The following OPA1 variants were observed in gnomAD, a reference collection of about 807,000 sequenced individuals.
OPA1 encodes the protein dynamin-like GTPase OPA1, mitochondrial.
In OPA1, 59 loss-of-function variants were observed where a neutral mutation model predicts 152.9. The observed-to-expected ratio is 0.39, with a 90% confidence interval of 0.31 to 0.48. The LOEUF (loss-of-function observed/expected upper bound fraction) is 0.48, where lower values mean the gene tolerates loss of function less well. Among genes scored for constraint, OPA1 ranks in the 20% least tolerant of loss-of-function variants. The pLI, the probability that OPA1 is intolerant of heterozygous loss-of-function variation, is 0.96. For synonymous variants in OPA1, 400 were observed against 389.9 expected (o/e 1.03, Z -0.31); for missense variants, 1,008 against 1,216.8 (o/e 0.83, Z 2.55).
chr3:193,642,302 C>CAGCT, intron 11 of OPA1, among the ~76,000 whole-genome samples: 1 of 152,290 alleles, frequency 6.6e-6, no homozygotes, highest in Non-Finnish European at 1.5e-5. Context: ...CTGGGACAGT[C>CAGCT]AGCTCTGTGT....
intron 1 of OPA1, 70 bp from the exon 2 acceptor site, chr3:193,614,653 C>A: frequency 8.6e-7 from 1 of 1,157,888 alleles, no homozygotes; most frequent in Non-Finnish European, 1.3e-6. Flanking sequence ...TAGTATATTG[C>A]TCTTTTAATG....
intron 20 of OPA1, 44 bp from the exon 21 acceptor site, chr3:193,648,751 A>C: frequency 7.6e-7 from 1 of 1,318,840 alleles, no homozygotes; most frequent in Admixed American, 1.7e-5. Flanking sequence ...GGGTAAATTT[A>C]CTGTCTTATG....
chr3:193,665,758 T>G (rs1237376830), intron 27 of OPA1, among the ~76,000 whole-genome samples: 5 of 152,194 alleles, frequency 3.3e-5, no homozygotes, highest in Admixed American at 6.5e-5. Flanking sequence ...AAGTTTTTTT[T>G]GCATAATTTT....
At chr3:193,664,043 T>G (rs1715944627) in intron 26 of OPA1, among the ~76,000 whole-genome samples, 1 of 152,128 alleles carries the variant, frequency 6.6e-6, no homozygotes, top group Non-Finnish European at 1.5e-5. Flanking sequence ...TACGTGATTT[T>G]TTTTTTAAAC....
intron 29 of OPA1, chr3:193,668,331 C>T (rs1176861467): frequency 6.4e-7 from 1 of 1,550,720 alleles, no homozygotes; most frequent in African/African-American, 1.4e-5. Flanking sequence ...TCTTTTTCCC[C>T]AGCTCGGACT....
intron 4 of OPA1, 96 bp from the exon 5 acceptor site, chr3:193,617,688 C>T (rs1035438379): frequency 2.2e-6 from 2 of 890,874 alleles, no homozygotes; most frequent in African/African-American, 3.3e-5. Flanking sequence ...AATTATTGCC[C>T]TATCGTAATA....
rs1251411053 is a variant in OPA1 at position 193,635,478 on chromosome 3, G to A, written c.904G>A (p.Val302Ile). 3 of 1,609,350 alleles carry A rather than the reference G, an allele frequency of 1.9e-6. No individual in the cohort carries two copies. The highest frequency in any genetic ancestry group is 2.6e-6 in the Non-Finnish European group (3 of 1,175,998). ...EKENKELRKLVLQKDDKGIHH... is the reference protein window; with the variant it reads ...EKENKELRKLILQKDDKGIHH... ...GGAGAACAAAGAATTGAGAAAATTAGTATTGCAGAAAGATGACAAAGGCAT... is the reference window on the plus strand; with the variant it reads ...GGAGAACAAAGAATTGAGAAAATTAATATTGCAGAAAGATGACAAAGGCAT... Residue 302 changes from valine to isoleucine, a missense_variant, in exon 9 of 31, where the codon GTA (valine) becomes ATA (isoleucine). Coordinates refer to ENST00000361510, the MANE Select transcript of OPA1 (RefSeq NM_130837.3).
At chr3:193,653,883 A>G (rs1713131204) in intron 21 of OPA1, among the ~76,000 whole-genome samples, 1 of 152,216 alleles carries the variant, frequency 6.6e-6, no homozygotes, top group East Asian at 1.9e-4. Flanking sequence ...AAATGGCTAC[A>G]ATTTTAAATG....
chr3:193,622,226 CTTTTT>C (rs758993120), intron 6 of OPA1, among the ~76,000 whole-genome samples: 35 of 107,884 alleles, frequency 3.2e-4, no homozygotes, highest in East Asian at 1.3e-3. Flanking sequence ...TACTCTCATT[CTTTTT>C]TTTTTTTTTT....
At chr3:193,639,465 G>A (rs999650236) in intron 11 of OPA1, among the ~76,000 whole-genome samples, 4 of 152,188 alleles carry the variant, frequency 2.6e-5, no homozygotes, top group Non-Finnish European at 4.4e-5. Flanking sequence ...AGGATATCCT[G>A]TGTTCAGCAA....
At chr3:193,610,037 G>A (rs573436827) in intron 1 of OPA1, among the ~76,000 whole-genome samples, 3 of 152,192 alleles carry the variant, frequency 2.0e-5, no homozygotes, top group African/African-American at 4.8e-5. Flanking sequence ...CTCTCAGCTC[G>A]TCAAAGTCAT....
chr3:193,676,037 A>G (rs925825885), intron 29 of OPA1, among the ~76,000 whole-genome samples: 3 of 152,212 alleles, frequency 2.0e-5, no homozygotes, highest in African/African-American at 4.8e-5. Flanking sequence ...AATATCGTGC[A>G]GTCTGGCTTT....
At chr3:193,620,110 G>C (rs1577174062) in intron 6 of OPA1, among the ~76,000 whole-genome samples, 1 of 152,214 alleles carries the variant, frequency 6.6e-6, no homozygotes, top group Admixed American at 6.5e-5. Context: ...AATAGTTGTG[G>C]CTTATTTTGA....
At position 193,662,843 on chromosome 3, in the gene OPA1, A is replaced by T; in HGVS notation, c.2542A>T (p.Asn848Tyr). ...QEQCVHNETK[N>Y]ELEKMLKCNE... ...AAAGTGTGTTCACAATGAAACCAAG[A>T]ATGAATTGGAGAAGATGTTGAAATG... Residue 848 changes from asparagine (N) to tyrosine (Y), a missense_variant, in exon 26 of 31, where the codon AAT (asparagine) becomes TAT (tyrosine). Coordinates refer to ENST00000361510, the MANE Select transcript of OPA1 (RefSeq NM_130837.3). 1 of 1,613,408 alleles carries T rather than the reference A, an allele frequency of 6.2e-7. No homozygotes were observed. Among genetic ancestry groups the T allele is most frequent in the African/African-American group, 1.3e-5 (1 of 75,012 alleles).
In OPA1 at chr3:193,617,169, C is replaced by G; in HGVS notation, c.449-9C>G. On this transcript the variant is annotated splice_polypyrimidine_tract_variant and intron_variant, in intron 3 of 30. Transcript: ENST00000361510. Reference sequence around the variant, plus strand: ...AGTTTCATACTCTATATGTTTTGATCTTTTCCAGAGAAAATTAGAAAAGCC... The same window carrying G: ...AGTTTCATACTCTATATGTTTTGATGTTTTCCAGAGAAAATTAGAAAAGCC... 6.6e-7 allele frequency: 1 copy of G among 1,522,286 alleles called. No homozygotes were observed. Among genetic ancestry groups the G allele is most frequent in the Middle Eastern group, 1.7e-4 (1 of 5,896 alleles). 94.3% of individuals were successfully genotyped at this position (1,522,286 alleles called of 1,614,324 possible). A position where few individuals can be genotyped will look rare whatever the true frequency, so the allele number is the denominator to read the frequency against.
chr3:193,623,688 G>T (rs560038229), intron 6 of OPA1, among the ~76,000 whole-genome samples: 1 of 152,036 alleles, frequency 6.6e-6, no homozygotes, highest in African/African-American at 2.4e-5. Flanking sequence ...AATTATTTTT[G>T]TACCATTTCT....
Position 193,655,028 on chromosome 3 carries a change from G to A in OPA1, c.2178+1G>A, listed in dbSNP as rs1560392160. On this transcript the variant is annotated splice_donor_variant, in intron 22 of 30. Coordinates refer to ENST00000361510, the MANE Select transcript of OPA1 (RefSeq NM_130837.3). LOFTEE classifies it high-confidence loss of function. ...ACAACTTCCTAATAAAGCAGTAGAG[G>A]TTAGGATATAATTTAATTAAATGGG... The A allele has an allele frequency of 6.2e-7, 1 of 1,612,806 alleles. No homozygotes were observed. Among genetic ancestry groups the A allele is most frequent in the Non-Finnish European group, 8.5e-7 (1 of 1,179,096 alleles).
At chr3:193,637,350 A>T in intron 10 of OPA1, 69 bp downstream of exon 10, 1 of 895,014 alleles carries the variant, frequency 1.1e-6, no homozygotes, top group Non-Finnish European at 1.9e-6. Context: ...CCTAAAAATT[A>T]TGTGTATATA....
chr3:193,672,019 G>A (rs1033186487), intron 29 of OPA1, among the ~76,000 whole-genome samples: 6 of 152,164 alleles, frequency 3.9e-5, no homozygotes, highest in Non-Finnish European at 8.8e-5. Context: ...TGATTTTCTA[G>A]AAAATTCAGT....
Sources: allele counts gnomAD v4.1 joint callset (sites outside exome capture counted in the v4.1 genomes callset), GRCh38; gene constraint gnomAD v4.1.1; transcripts MANE v1.5; gene names NCBI Gene and HGNC (gene_info 2026-07-23, HGNC 2026-07-21).